ENOX2: variants seen among roughly 807,000 people sequenced by gnomAD.
ENOX2 encodes the protein APK1 antigen.
Under a neutral mutation model 45.0 loss-of-function variants are expected in ENOX2, and 36 were observed. The observed-to-expected ratio is 0.80, with a 90% CI of 0.61 to 1.06. ENOX2 has a LOEUF of 1.06. Among genes scored for constraint, ENOX2 ranks in the 50% least tolerant of loss-of-function variants. ENOX2 has a pLI of 0.00. For missense variants in ENOX2, 423 were observed against 462.5 expected (o/e 0.91, Z 0.78); for synonymous variants, 174 against 152.3 (o/e 1.14, Z -1.05).
Position 130,828,996 on chromosome X carries a change from T to C in ENOX2, c.-182-45306A>G, listed in dbSNP as rs967138066. On this transcript the variant is annotated intron_variant, in intron 2 of 14. Transcript: ENST00000394363. ...AGATTTCACTGTTAAAAGTAATCTA[T>C]GTGTTTTTAGTGTTTATTGTAACAT... Among the ~76,000 whole-genome samples the C allele has an allele frequency of 6.2e-5, 7 of 112,018 alleles. No individual in the cohort carries two copies. In the Admixed American group the frequency reaches 6.6e-4, roughly 11 times the overall value.
chrX:130,748,694 A>AT (rs1279066204), intron 3 of ENOX2, among the ~76,000 whole-genome samples: 1 of 111,701 alleles, frequency 9.0e-6, no homozygotes, highest in Non-Finnish European at 1.9e-5. Flanking sequence ...GAAAAAAGCT[A>AT]TTTTTTCTAG....
At chrX:130,650,361 C>T (rs1366992176) in intron 10 of ENOX2, among the ~76,000 whole-genome samples, 1 of 111,734 alleles carries the variant, frequency 8.9e-6, no homozygotes, top group East Asian at 2.8e-4. Context: ...CAGTTTGGAC[C>T]TGTCACCAAG....
intron 3 of ENOX2, among the ~76,000 whole-genome samples, chrX:130,766,788 A>G (rs1008361393): frequency 6.2e-5 from 7 of 112,042 alleles, no homozygotes; most frequent in African/African-American, 2.3e-4. Context: ...GAAGAATTTT[A>G]CATTCATTAT....
intron 5 of ENOX2, among the ~76,000 whole-genome samples, chrX:130,684,536 A>C (rs990001961): frequency 5.4e-5 from 6 of 111,562 alleles, no homozygotes; most frequent in African/African-American, 2.0e-4. Context: ...TGTAGTAGTA[A>C]TTACCTCATA....
At chrX:130,788,909 A>G (rs1447950905) in intron 2 of ENOX2, among the ~76,000 whole-genome samples, 3 of 112,389 alleles carry the variant, frequency 2.7e-5, no homozygotes, top group African/African-American at 9.7e-5. Flanking sequence ...CATGTTCACA[A>G]TAAACAAATC....
intron 3 of ENOX2, among the ~76,000 whole-genome samples, chrX:130,749,268 G>A (rs1192038865): frequency 2.7e-5 from 3 of 111,374 alleles, no homozygotes; most frequent in African/African-American, 9.8e-5. Flanking sequence ...TTGGCACTGC[G>A]GCTGAATATT....
chrX:130,793,708 CG>C (rs901781876), intron 2 of ENOX2, among the ~76,000 whole-genome samples: 43 of 111,655 alleles, frequency 3.9e-4, no homozygotes, highest in African/African-American at 1.4e-3. Context: ...GTGAATTATT[CG>C]AGAAAAGTCT....
chrX:130,691,814 C>CTTTAATG (rs1377243279), intron 4 of ENOX2, among the ~76,000 whole-genome samples: 25 of 112,551 alleles, frequency 2.2e-4, no homozygotes, highest in Middle Eastern at 4.6e-3. Context: ...CAAGTTCTGC[C>CTTTAATG]ACTTTGGCTG....
At chrX:130,634,948 G>A in intron 12 of ENOX2, 36 bp downstream of exon 12, 1 of 766,516 alleles carries the variant, frequency 1.3e-6, no homozygotes, top group Non-Finnish European at 2.0e-6. Flanking sequence ...AGTAGGTAAA[G>A]GGGCAAGGAA....
intron 2 of ENOX2, among the ~76,000 whole-genome samples, chrX:130,792,807 C>G (rs2077063053): frequency 8.9e-6 from 1 of 111,869 alleles, no homozygotes; most frequent in African/African-American, 3.2e-5. Context: ...AAACAAAAAA[C>G]AAAAAACAAA....
intron 2 of ENOX2, among the ~76,000 whole-genome samples, chrX:130,845,818 G>T: frequency 8.9e-6 from 1 of 112,195 alleles, no homozygotes; most frequent in Non-Finnish European, 1.9e-5. Context: ...TTCAGAAGTG[G>T]TTATGCTTCG....
intron 10 of ENOX2, among the ~76,000 whole-genome samples, chrX:130,648,726 A>AG (rs1234793466): frequency 9.1e-6 from 1 of 109,609 alleles, no homozygotes; most frequent in Non-Finnish European, 1.9e-5. Context: ...CTCCCTGGGA[A>AG]GGGGGGTGCA....
At chrX:130,795,661 T>C (rs2077111241) in intron 2 of ENOX2, among the ~76,000 whole-genome samples, 1 of 111,661 alleles carries the variant, frequency 9.0e-6, no homozygotes, top group Non-Finnish European at 1.9e-5. Context: ...AAAGAAAATC[T>C]GGCCCAAATT....
chrX:130,653,913 C>G (rs973909430), intron 10 of ENOX2, among the ~76,000 whole-genome samples: 4 of 112,011 alleles, frequency 3.6e-5, no homozygotes, highest in Non-Finnish European at 5.6e-5. Context: ...TCCTGGACCA[C>G]CAGCATCGAA....
rs1421360366 is a variant in ENOX2 at position 130,679,939 on chromosome X, C to T, written c.254-191G>A. On this transcript the variant is annotated intron_variant, in intron 5 of 14. Transcript: ENST00000394363. ...GAACCTGAAAATCATTTTATTCAAT[C>T]GTTTGCTGACCATGATATCTGGAGC... Among the ~76,000 whole-genome samples the T allele has an allele frequency of 3.6e-5, 4 of 111,775 alleles. No individual in the cohort carries two copies. The East Asian group carries it at 1.1e-3, about 31-fold the overall frequency.
At chrX:130,631,436 T>C in intron 13 of ENOX2, 32 bp downstream of exon 13, 1 of 801,339 alleles carries the variant, frequency 1.2e-6, no homozygotes, top group Non-Finnish European at 1.9e-6. Context: ...ACCCAGGCAT[T>C]GTACGTGGCA....
chrX:130,779,065 G>C (rs2039918726), intron 3 of ENOX2, among the ~76,000 whole-genome samples: 1 of 112,716 alleles, frequency 8.9e-6, no homozygotes, highest in Non-Finnish European at 1.9e-5. Flanking sequence ...TGGTATTTCT[G>C]CTTCTACAAA....
intron 2 of ENOX2, among the ~76,000 whole-genome samples, chrX:130,848,590 CT>C (rs1317968498): frequency 3.6e-5 from 4 of 112,111 alleles, no homozygotes; most frequent in Non-Finnish European, 7.5e-5. Context: ...AATTTTCTCC[CT>C]CCCATTGCAC....
intron 3 of ENOX2, among the ~76,000 whole-genome samples, chrX:130,739,895 T>C (rs1361604910): frequency 8.9e-6 from 1 of 112,541 alleles, no homozygotes; most frequent in Admixed American, 9.4e-5. Flanking sequence ...AGTAATTTTA[T>C]GCTTATTTGA....
Sources: gnomAD v4.1 joint callset for allele counts (sites outside exome capture counted in the v4.1 genomes callset) on GRCh38, gnomAD v4.1.1 for gene constraint, MANE v1.5 for transcripts, NCBI Gene and HGNC (gene_info 2026-07-23, HGNC 2026-07-21) for gene names.